SEC22A: variants seen among roughly 807,000 people sequenced by gnomAD.
The protein encoded by SEC22A is SEC22 homolog A, vesicle trafficking protein, also known as vesicle-trafficking protein SEC22a.
A neutral mutation model predicts 35.3 loss-of-function variants in SEC22A; 22 were observed. The ratio of observed to expected loss-of-function variants is 0.62; its 90% CI spans 0.45 to 0.89. SEC22A has a LOEUF of 0.89. SEC22A is among the 40% of genes least tolerant of loss of function. SEC22A has a pLI of 0.00. For synonymous variants in SEC22A, 119 were observed against 129.5 expected (o/e 0.92, Z 0.55); for missense variants, 354 against 362.5 (o/e 0.98, Z 0.19).
At chr3:123,206,012 T>C (rs1327483430) in intron 1 of SEC22A, among the ~76,000 whole-genome samples, 3 of 152,226 alleles carry the variant, frequency 2.0e-5, no homozygotes, top group Non-Finnish European at 4.4e-5. Context: ...AAGAATAACT[T>C]TGAAGACTAC....
rs761531418 is a variant in SEC22A at position 123,271,548 on chromosome 3, C to T, written c.750C>T (p.Gly250=). The T allele has an allele frequency of 1.4e-5, 22 of 1,613,684 alleles. No homozygotes were observed. The highest frequency in any genetic ancestry group is 1.1e-5 in the Non-Finnish European group (13 of 1,179,968). Residue 250 remains glycine (G), a synonymous_variant, in exon 7 of 7, where the codon GGC becomes GGT. Transcript: ENST00000492595. Reference sequence around the variant, plus strand: ...GTTATTTACTTGTCTACTACACCGGCTGGCGGAATGTCAAATCTTTTTTGA... The same window carrying T: ...GTTATTTACTTGTCTACTACACCGGTTGGCGGAATGTCAAATCTTTTTTGA... ...YQCYLLVYYT[G]WRNVKSFLTF... is the part of the protein sequence containing the mutation.
chr3:123,248,349 A>G (rs1034233630), intron 5 of SEC22A, among the ~76,000 whole-genome samples: 2 of 152,258 alleles, frequency 1.3e-5, no homozygotes, highest in Non-Finnish European at 2.9e-5. Context: ...ATCAACAACA[A>G]TAGCAAAAAC....
intron 2 of SEC22A, among the ~76,000 whole-genome samples, chr3:123,210,569 A>T (rs1936926764): frequency 1.3e-5 from 2 of 152,230 alleles, no homozygotes; most frequent in African/African-American, 4.8e-5. Flanking sequence ...ATGAGTCTGA[A>T]GCTTAGTGAA....
intron 4 of SEC22A, among the ~76,000 whole-genome samples, chr3:123,228,365 G>A (rs1040264620): frequency 7.0e-6 from 1 of 141,890 alleles, no homozygotes; most frequent in Non-Finnish European, 1.5e-5. Context: ...GGGAGTTCAC[G>A]ACCAGCCTGA....
At chr3:123,227,886 T>C (rs1186173194) in intron 4 of SEC22A, among the ~76,000 whole-genome samples, 3 of 150,900 alleles carry the variant, frequency 2.0e-5, no homozygotes, top group African/African-American at 7.3e-5. Context: ...GAGGCAGAGG[T>C]TGCAATGAGC....
At chr3:123,239,191 T>C (rs575087079) in intron 4 of SEC22A, among the ~76,000 whole-genome samples, 29 of 152,316 alleles carry the variant, frequency 1.9e-4, no homozygotes, top group African/African-American at 7.0e-4. Context: ...TAGTTTGTTA[T>C]ACTCACTGAT....
chr3:123,222,718 T>C (rs1181273337), intron 2 of SEC22A, among the ~76,000 whole-genome samples: 1 of 152,224 alleles, frequency 6.6e-6, no homozygotes, highest in East Asian at 1.9e-4. Context: ...CCATCTAACA[T>C]GAATGATGTT....
intron 4 of SEC22A, among the ~76,000 whole-genome samples, chr3:123,237,760 C>G (rs950802533): frequency 6.6e-5 from 10 of 152,248 alleles, no homozygotes; most frequent in African/African-American, 2.4e-4. Context: ...ACCTGACTTC[C>G]ATAAGTCCCC....
At chr3:123,221,280 G>C (rs534012721) in intron 2 of SEC22A, among the ~76,000 whole-genome samples, 1 of 151,662 alleles carries the variant, frequency 6.6e-6, no homozygotes, top group Non-Finnish European at 1.5e-5. Flanking sequence ...AGACCACCCT[G>C]GTCAACATGG....
At chr3:123,227,101 C>T (rs1937229893) in intron 4 of SEC22A, among the ~76,000 whole-genome samples, 3 of 152,192 alleles carry the variant, frequency 2.0e-5, no homozygotes, top group South Asian at 2.1e-4. Flanking sequence ...GGAATACTAT[C>T]GTCAACAGTT....
chr3:123,216,474 A>G (rs930463736), intron 2 of SEC22A, among the ~76,000 whole-genome samples: 2 of 152,224 alleles, frequency 1.3e-5, no homozygotes, highest in Admixed American at 1.3e-4. Flanking sequence ...GTAAGTTACC[A>G]TCATCTGGCA....
intron 4 of SEC22A, among the ~76,000 whole-genome samples, chr3:123,230,984 TAAATG>T (rs1302037446): frequency 2.6e-5 from 4 of 152,002 alleles, no homozygotes; most frequent in Non-Finnish European, 4.4e-5. Flanking sequence ...TAAAAAAAGA[TAAATG>T]AAGAGGAAAA....
intron 4 of SEC22A, among the ~76,000 whole-genome samples, chr3:123,237,867 AG>A (rs112368064): frequency 0.2 from 29,886 of 151,978 alleles, 3,042 homozygotes; most frequent in Middle Eastern, 0.28. Flanking sequence ...TTTAAGGAAG[AG>A]GGGCAAGATG....
chr3:123,213,507 T>C (rs1234493496), intron 2 of SEC22A, among the ~76,000 whole-genome samples: 1 of 152,236 alleles, frequency 6.6e-6, no homozygotes, highest in Non-Finnish European at 1.5e-5. Flanking sequence ...ACCTTCTTTC[T>C]CATTACTATT....
chr3:123,205,014 C>A (rs1936827511), intron 1 of SEC22A, among the ~76,000 whole-genome samples: 1 of 152,100 alleles, frequency 6.6e-6, no homozygotes, highest in South Asian at 2.1e-4. Flanking sequence ...GGACAGATTT[C>A]CTTTTCTGCT....
intron 2 of SEC22A, among the ~76,000 whole-genome samples, chr3:123,221,318 A>C (rs1937118020): frequency 6.6e-6 from 1 of 151,744 alleles, no homozygotes. Context: ...TAAAAATATA[A>C]AAATTAGCCA....
intron 2 of SEC22A, among the ~76,000 whole-genome samples, chr3:123,212,356 T>A (rs1025486124): frequency 6.6e-6 from 1 of 152,166 alleles, no homozygotes; most frequent in African/African-American, 2.4e-5. Flanking sequence ...TTCTATTTTT[T>A]TAGAGGAAAA....
At chr3:123,250,151 C>A (rs1469214556) in intron 5 of SEC22A, among the ~76,000 whole-genome samples, 1 of 152,088 alleles carries the variant, frequency 6.6e-6, no homozygotes, top group Non-Finnish European at 1.5e-5. Flanking sequence ...GTGGCTCGCA[C>A]CTGTAATCCC....
At chr3:123,267,866 T>G (rs1938060895) in intron 6 of SEC22A, among the ~76,000 whole-genome samples, 1 of 152,246 alleles carries the variant, frequency 6.6e-6, no homozygotes, top group Non-Finnish European at 1.5e-5. Flanking sequence ...ATTTTTTTCT[T>G]TCAGCACTTG....
Sources: allele counts gnomAD v4.1 joint callset (sites outside exome capture counted in the v4.1 genomes callset), GRCh38; gene constraint gnomAD v4.1.1; transcripts MANE v1.5; gene names NCBI Gene and HGNC (gene_info 2026-07-23, HGNC 2026-07-21).